CYBC1: variants seen among roughly 807,000 people sequenced by gnomAD.
CYBC1 encodes cytochrome b-245 chaperone 1.
CYBC1 carries 22 observed loss-of-function variants against 21.7 expected under a neutral mutation model. The observed-to-expected ratio is 1.02, with a 90% confidence interval of 0.73 to 1.45. CYBC1 has a LOEUF of 1.45. Among genes scored for constraint, CYBC1 ranks in the 40% most tolerant of loss-of-function variants. The pLI is 0.00. For synonymous variants in CYBC1, 112 were observed against 98.7 expected, an observed-to-expected ratio of 1.13 and a Z score of -0.80; for missense variants, 237 against 242.1, an observed-to-expected ratio of 0.98 and a Z score of 0.14.
chr17:82,447,346 C>G (rs2054363069), intron 3 of CYBC1: 2 of 567,972 alleles, frequency 3.5e-6, no homozygotes, highest in African/African-American at 3.9e-5. Context: ...GAGCGAGACT[C>G]CGTCTCAAAA....
chr17:82,445,710 T>C (rs1599779456), intron 5 of CYBC1, 154 bp downstream of exon 5: 1 of 590,038 alleles, frequency 1.7e-6, no homozygotes, highest in Non-Finnish European at 3.0e-6. Flanking sequence ...GGGATCCTGC[T>C]TCCAGCGGGC....
rs1215952849 is a variant in CYBC1, at chr17:82,445,580, CTGCCAGACCCCTG to C, written c.298+271_298+283del. The C allele has an allele frequency of 7.7e-5, 26 of 337,580 alleles. No individual in the cohort carries two copies. In the Admixed American group the frequency reaches 1.1e-3, roughly 15 times the overall value. The allele number at this position is 337,580 out of a possible 1,614,324, so 20.9% of individuals were successfully genotyped here. ...GACCCCTGCTCCTCAGACCCCTGCT[CTGCCAGACCCCTG>C]CTCCTCAGACCCCTGCTCCTCCCAC... On this transcript the variant is annotated intron_variant, in intron 5 of 6. Coordinates refer to ENST00000306645, the MANE Select transcript of CYBC1 (RefSeq NM_001033046.4).
rs767051172 is a variant in CYBC1, at chr17:82,447,584, G to A, written c.123C>T (p.Ser41=). The change falls in exon 3 of 7, where the codon AGC becomes AGT. Residue 41 remains serine (S), a synonymous_variant. Transcript: ENST00000306645. ...GTGGGGCGGGGGGTGCTTTACCTCC[G>A]CTGTAGTAGGCAGCAGCCAGGCCAA... ...LSIGLAAAYY[S]GDSLGWKLFY... The A allele has an allele frequency of 2.6e-5, 41 of 1,600,714 alleles. No homozygotes were observed. The highest frequency in any genetic ancestry group is 1.7e-4 in the Middle Eastern group (1 of 5,986).
rs185850524 is a variant in CYBC1 at position 82,447,658 on chromosome 17, G to A, written c.86-37C>T. ...AAGTGACTGCCTGCCTATTGATCCC[G>A]GTAAGACCCCACCTCCCTGGTGCAG... On this transcript the variant is annotated intron_variant, in intron 2 of 6. Transcript: ENST00000306645. The A allele has an allele frequency of 4.9e-4, 761 of 1,564,818 alleles. 2 individuals are homozygous for A. Among genetic ancestry groups the A allele is most frequent in the African/African-American group, 8.0e-4 (60 of 74,648 alleles).
Position 82,442,643 on chromosome 17 carries a change from T to A in CYBC1, c.*1361A>T. On this transcript the variant is annotated 3_prime_UTR_variant, in exon 7 of 7. Coordinates refer to ENST00000306645, the MANE Select transcript of CYBC1 (RefSeq NM_001033046.4). This position sits in a 1 kb window ranked among gnomAD's most constrained non-coding sequence, Gnocchi z 6.8. Reference sequence around the variant, plus strand: ...GGAAATAAAGAGTGGAAGCTGCAGGTGACACGTGAAGGGTTATTTATGGTT... The same window carrying A: ...GGAAATAAAGAGTGGAAGCTGCAGGAGACACGTGAAGGGTTATTTATGGTT... 1 of 1,503,648 alleles carries A rather than the reference T, an allele frequency of 6.7e-7. No homozygotes were observed. Among genetic ancestry groups the A allele is most frequent in the Middle Eastern group, 1.8e-4 (1 of 5,606 alleles). The allele number at this position is 1,503,648 out of a possible 1,614,324, so 93.1% of individuals were successfully genotyped here.
At chr17:82,447,424 G>A (rs563738532) in intron 3 of CYBC1, 156 bp downstream of exon 3, 48 of 686,758 alleles carry the variant, frequency 7.0e-5, no homozygotes, top group South Asian at 6.6e-4. Flanking sequence ...GAACAGCAGC[G>A]CATGGAGGGC....
At chr17:82,450,469 G>A (rs927047450) in intron 1 of CYBC1, 7 of 152,212 alleles carry the variant, frequency 4.6e-5, no homozygotes, top group Non-Finnish European at 8.8e-5. Context: ...CGCCCGCGCC[G>A]CTAGTCGCAC....
Position 82,446,622 on chromosome 17 carries a change from C to T in CYBC1, c.201+1G>A, listed in dbSNP as rs1219458778. The T allele has an allele frequency of 9.3e-6, 15 of 1,614,094 alleles. No individual in the cohort carries two copies. Among genetic ancestry groups the T allele is most frequent in the Non-Finnish European group, 1.3e-5 (15 of 1,179,984 alleles). ...CTGTCCCGCACCCGAGCCGGCCTTA[C>T]CTCCCAGTCCTCCAAGTTCTGCACA... On this transcript the variant is annotated splice_donor_variant, in intron 4 of 6. Transcript: ENST00000306645. LOFTEE classifies it high-confidence loss of function.
intron 5 of CYBC1, 41 bp from the exon 6 acceptor site, chr17:82,444,632 A>G (rs991592903): frequency 6.4e-7 from 1 of 1,561,558 alleles, no homozygotes; most frequent in Non-Finnish European, 8.7e-7. Context: ...CCCCGCCCAC[A>G]CATGCTGCCC....
intron 1 of CYBC1, 49 bp from the exon 2 acceptor site, chr17:82,449,341 G>GC: frequency 1.9e-6 from 2 of 1,071,086 alleles, no homozygotes; most frequent in African/African-American, 3.3e-5. Context: ...ACACAGGCAG[G>GC]CGCCCACGCC....
intron 4 of CYBC1, 47 bp from the exon 5 acceptor site, chr17:82,446,007 G>A (rs2054266985): frequency 6.5e-7 from 1 of 1,532,216 alleles, no homozygotes; most frequent in Non-Finnish European, 9.0e-7. Flanking sequence ...AGGAACGGGG[G>A]CCCCGTGGCC....
intron 5 of CYBC1, 117 bp from the exon 6 acceptor site, chr17:82,444,708 A>T: frequency 1.5e-6 from 2 of 1,335,754 alleles, no homozygotes; most frequent in Non-Finnish European, 2.1e-6. Context: ...CAGCAAAAGC[A>T]TTTGCTGTTT....
rs777576104 is a variant in CYBC1 at position 82,446,033 on chromosome 17, C to G, written c.202-73G>C. 5 of 1,206,496 alleles carry G rather than the reference C, an allele frequency of 4.1e-6. No homozygotes were observed. In the African/African-American group the frequency reaches 7.5e-5, roughly 18 times the overall value. The allele number at this position is 1,206,496 out of a possible 1,614,324, so 74.7% of individuals were successfully genotyped here. On this transcript the variant is annotated intron_variant, in intron 4 of 6. Transcript: ENST00000306645. ...CCCCGTGGCCGCTGGGGCCTCACCC[C>G]CACCCTCACCAGGGTGGACACTCAA...
Position 82,444,506 on chromosome 17 carries a change from G to A in CYBC1, c.384C>T (p.Leu128=), listed in dbSNP as rs535645644. 5.5e-5 allele frequency: 89 copies of A among 1,614,022 alleles called. 1 individual carries two copies. In the South Asian group the frequency reaches 8.9e-4, roughly 16 times the overall value. The change falls in exon 6 of 7, where the codon CTC becomes CTT. Residue 128 remains leucine, a synonymous_variant. Coordinates refer to ENST00000306645, the MANE Select transcript of CYBC1 (RefSeq NM_001033046.4). ...RYFGKGYMVV[L]RLATGFSHPL... ...GGTGGGAGAAGCCCGTCGCAAGCCG[G>A]AGCACCACCATGTAGCCTTTCCCGA...
intron 5 of CYBC1, 104 bp from the exon 6 acceptor site, chr17:82,444,695 T>G: frequency 7.0e-7 from 1 of 1,428,658 alleles, no homozygotes; most frequent in Non-Finnish European, 9.5e-7. Flanking sequence ...CACACTTGGT[T>G]GGCAGCAAAA....
intron 4 of CYBC1, 53 bp from the exon 5 acceptor site, chr17:82,446,013 T>C: frequency 6.8e-7 from 1 of 1,462,974 alleles, no homozygotes; most frequent in Non-Finnish European, 9.5e-7. Flanking sequence ...GGGGGCCCCG[T>C]GGCCGCTGGG....
Position 82,442,782 on chromosome 17 carries a change from C to T in CYBC1, c.*1222G>A, listed in dbSNP as rs1351347726. 5.2e-6 allele frequency: 3 copies of T among 572,804 alleles called. No homozygotes were observed. In the African/African-American group the frequency reaches 5.6e-5, roughly 11 times the overall value. The allele number at this position is 572,804 out of a possible 1,614,324, so 35.5% of individuals were successfully genotyped here. ...CAGCCAGACGTGGGGCAAAGGTGTT[C>T]CCTGTCCTACCCAGCCATTCCTGGG... On this transcript the variant is annotated 3_prime_UTR_variant, in exon 7 of 7. Transcript: ENST00000306645. The surrounding 1 kb of genome is among the most constrained non-coding windows in gnomAD (Gnocchi z 6.8).
rs756205312 is a variant in CYBC1, at chr17:82,443,471, C to T, written c.*533G>A. ...ACCCCTCACTGCCCTTGGGGAAGCA[C>T]CTGACCGCTGGGGATGTCCACCAGG... is the stretch of plus-strand genomic sequence containing the variant. On this transcript the variant is annotated 3_prime_UTR_variant, in exon 7 of 7. Transcript: ENST00000306645. The surrounding 1 kb of genome is among the most constrained non-coding windows in gnomAD (Gnocchi z 6.7). 3 of 678,640 alleles carry T rather than the reference C, an allele frequency of 4.4e-6. No individual in the cohort carries two copies. The South Asian group carries it at 4.6e-5, about 10-fold the overall frequency. 42.0% of individuals were successfully genotyped at this position (678,640 alleles called of 1,614,324 possible). A position where few individuals can be genotyped will look rare whatever the true frequency, so the allele number is the denominator to read the frequency against.
chr17:82,444,425 G>A (rs370488811), intron 6 of CYBC1, 22 bp downstream of exon 6: 21 of 1,591,370 alleles, frequency 1.3e-5, no homozygotes, highest in Middle Eastern at 1.7e-4. Context: ...GCTCCGGCCA[G>A]ATCAAAGTCC....
Sources: allele counts gnomAD v4.1 joint callset, GRCh38; gene constraint gnomAD v4.1.1; non-coding constraint Gnocchi (gnomAD v3.1); transcripts MANE v1.5; gene names NCBI Gene and HGNC (gene_info 2026-07-23, HGNC 2026-07-21).